The following SCYL1 variants were observed in gnomAD, a reference collection of about 807,000 sequenced individuals.
SCYL1 encodes the protein N-terminal kinase-like protein.
A neutral mutation model predicts 94.8 loss-of-function variants in SCYL1; 85 were observed. The ratio of observed to expected loss-of-function variants is 0.90; its 90% CI spans 0.75 to 1.07. SCYL1 has a LOEUF of 1.07. SCYL1 is among the 50% of genes least tolerant of loss of function. SCYL1 has a pLI of 0.00. For synonymous variants in SCYL1, 459 were observed against 435.5 expected, an observed-to-expected ratio of 1.05 and a Z score of -0.67; for missense variants, 968 against 1,083.3, an observed-to-expected ratio of 0.89 and a Z score of 1.49.
chr11:65,536,898 C>A, intron 13 of SCYL1, 88 bp from the exon 14 acceptor site: 1 of 1,244,826 alleles, frequency 8.0e-7, no homozygotes, highest in Non-Finnish European at 1.2e-6. Flanking sequence ...TTCCTTGGTG[C>A]CCCTTCCCCC....
At chr11:65,527,225 T>G in intron 6 of SCYL1, 108 bp downstream of exon 6, 1 of 1,294,990 alleles carries the variant, frequency 7.7e-7, no homozygotes, top group African/African-American at 1.5e-5. Context: ...GCATGGACTG[T>G]GGAGTTAGGC....
rs964966394 is a variant in SCYL1 at position 65,535,819 on chromosome 11, A to G, written c.1387-134A>G. ...CCAGAGTTTTAGGTCAACTCTCCCC[A>G]TTTAAGTGATTCATTCATATTTTTC... On this transcript the variant is annotated intron_variant, in intron 10 of 17. Coordinates refer to ENST00000270176, the MANE Select transcript of SCYL1 (RefSeq NM_020680.4). 4.5e-6 allele frequency: 4 copies of G among 883,506 alleles called. No homozygotes were observed. The African/African-American group carries it at 5.1e-5, about 11-fold the overall frequency. 54.7% of individuals were successfully genotyped at this position (883,506 alleles called of 1,614,324 possible). A position where few individuals can be genotyped will look rare whatever the true frequency, so the allele number is the denominator to read the frequency against.
At chr11:65,534,986 G>A (rs1855565215) in intron 9 of SCYL1, 1 of 540,918 alleles carries the variant, frequency 1.8e-6, no homozygotes, top group African/African-American at 1.9e-5. Flanking sequence ...GTGCCATCAG[G>A]AGAGCAGAGC....
At chr11:65,531,898 C>G (rs1383100806) in intron 8 of SCYL1, among the ~76,000 whole-genome samples, 1 of 152,214 alleles carries the variant, frequency 6.6e-6, no homozygotes, top group East Asian at 1.9e-4. Context: ...GGCTGCAGCG[C>G]TCTAATGCCC....
Position 65,537,892 on chromosome 11 carries a change from C to A in SCYL1, c.2031+12C>A. On this transcript the variant is annotated intron_variant, in intron 15 of 17. Transcript: ENST00000270176. ...GCCGTGCTAGTCAGGTGAGCTGGGT[C>A]TGGTGGGGAGGTGTGTGTATGGGGC... 1 of 1,578,974 alleles carries A rather than the reference C, an allele frequency of 6.3e-7. No homozygotes were observed.
chr11:65,528,684 T>G (rs1010318182), intron 6 of SCYL1, among the ~76,000 whole-genome samples: 4 of 151,250 alleles, frequency 2.6e-5, no homozygotes, highest in African/African-American at 9.7e-5. Context: ...AGCTTGAACC[T>G]GGGAGGCAGG....
Position 65,535,325 on chromosome 11 carries a change from C to T in SCYL1, c.1329C>T (p.Pro443=). Residue 443 remains proline, a synonymous_variant, in exon 10 of 18, where the codon CCC becomes CCT. Transcript: ENST00000270176. ...TACAGGCCAAGGATGAACAGGGCCC[C>T]ATCCGCTGCAACACCACAGTCTGCC... ...ARLQAKDEQG[P]IRCNTTVCLG... is the part of the protein sequence containing the mutation. The T allele has an allele frequency of 6.2e-7, 1 of 1,614,264 alleles. No individual in the cohort carries two copies. Among genetic ancestry groups the T allele is most frequent in the Non-Finnish European group, 8.5e-7 (1 of 1,180,034 alleles).
Position 65,530,586 on chromosome 11 carries a change from A to G in SCYL1, c.850-43A>G, listed in dbSNP as rs1407783424. The stretch of plus-strand genomic sequence containing the variant: ...CACCCATGGCTGGGTTTGGGCTGCA[A>G]CCAGGCTGATCTCTTCCCCGGGTCC... On this transcript the variant is annotated intron_variant, in intron 6 of 17. Coordinates refer to ENST00000270176, the MANE Select transcript of SCYL1 (RefSeq NM_020680.4). 5 of 1,585,954 alleles carry G rather than the reference A, an allele frequency of 3.2e-6. No individual in the cohort carries two copies. In the Admixed American group the frequency reaches 5.2e-5, roughly 17 times the overall value.
rs77773485 is a variant in SCYL1, at chr11:65,529,258, G to A, written c.850-1371G>A. 2.8e-4 allele frequency among the ~76,000 whole-genome samples: 42 copies of A among 152,326 alleles called. No individual in the cohort carries two copies. The East Asian group carries it at 7.9e-3, about 29-fold the overall frequency. On this transcript the variant is annotated intron_variant, in intron 6 of 17. Coordinates refer to ENST00000270176, the MANE Select transcript of SCYL1 (RefSeq NM_020680.4). ...AAGGAGAAGCTGCTGGAAACGCTGAGACCCCGTTGCCTCCTGGGCAGTGTC... is the reference window on the plus strand; with the variant it reads ...AAGGAGAAGCTGCTGGAAACGCTGAAACCCCGTTGCCTCCTGGGCAGTGTC...
At chr11:65,525,833 T>A in intron 2 of SCYL1, 88 bp from the exon 3 acceptor site, 1 of 1,580,612 alleles carries the variant, frequency 6.3e-7, no homozygotes, top group African/African-American at 1.3e-5. Flanking sequence ...TTTGGTTTCC[T>A]CTTCCCCATC....
Position 65,526,343 on chromosome 11 carries a change from G to C in SCYL1, c.595G>C (p.Glu199Gln). 6.3e-7 allele frequency: 1 copy of C among 1,598,506 alleles called. No individual in the cohort carries two copies. The highest frequency in any genetic ancestry group is 8.5e-7 in the Non-Finnish European group (1 of 1,169,858). ...LADSSGRVVR[E>Q]KWSADMWRLG... Reference sequence around the variant, plus strand: ...TGACAGCAGTGGCAGAGTGGTCAGAGAGAAGTGGTGGGTGACTGGGGGCAG... The same window carrying C: ...TGACAGCAGTGGCAGAGTGGTCAGACAGAAGTGGTGGGTGACTGGGGGCAG... The change falls in exon 4 of 18, where the codon GAG becomes CAG. Residue 199 changes from glutamate (E) to glutamine (Q), a missense_variant. Transcript: ENST00000270176. This position sits in a 1 kb window ranked among gnomAD's most constrained non-coding sequence, Gnocchi z 4.1.
At chr11:65,531,781 C>T in intron 8 of SCYL1, 98 bp downstream of exon 8, 1 of 846,524 alleles carries the variant, frequency 1.2e-6, no homozygotes, top group Non-Finnish European at 2.0e-6. Context: ...CCCAGAAACC[C>T]CACCCCTGAA....
intron 8 of SCYL1, among the ~76,000 whole-genome samples, chr11:65,532,426 GAAA>G (rs398016427): frequency 9.6e-6 from 1 of 104,232 alleles, no homozygotes. Flanking sequence ...CTCTGTCTCA[GAAA>G]AAAAAAAAAA....
At chr11:65,537,634 G>A (rs979662538) in intron 14 of SCYL1, among the ~76,000 whole-genome samples, 175 bp from the exon 15 acceptor site, 1 of 152,158 alleles carries the variant, frequency 6.6e-6, no homozygotes, top group African/African-American at 2.4e-5. Flanking sequence ...CCTTAAAGAG[G>A]GGTGAGGGCA....
Position 65,530,271 on chromosome 11 carries a change from G to A in SCYL1, c.850-358G>A, listed in dbSNP as rs137888893. 7.0e-4 allele frequency among the ~76,000 whole-genome samples: 107 copies of A among 152,250 alleles called. 1 individual carries two copies. In the East Asian group the frequency reaches 0.017, roughly 24 times the overall value. On this transcript the variant is annotated intron_variant, in intron 6 of 17. Transcript: ENST00000270176. ...AGCAGTAGAGGCAACACTGATAAAG[G>A]GCCTGATGCCCTTAGTGATGCCTCT... is the stretch of plus-strand genomic sequence containing the variant.
rs1855365053 is a variant in SCYL1, at chr11:65,531,582, A to T, written c.1015A>T (p.Lys339Ter). The T allele has an allele frequency of 6.2e-7, 1 of 1,613,434 alleles. No individual in the cohort carries two copies. The highest frequency in any genetic ancestry group is 8.5e-7 in the Non-Finnish European group (1 of 1,179,542). ...CATCTTCCTGCCCTTTCAGGTGGGC[A>T]AGTTCCTGAGCGCTGAGGAGTATCA... The part of the protein sequence containing the change: ...VVLTPLFKVG[K>*]FLSAEEYQQK... The change falls in exon 8 of 18, where the codon AAG becomes TAG. Residue 339 changes from lysine (K) to a stop codon, truncating the protein, a stop_gained. Transcript: ENST00000270176. LOFTEE classifies it high-confidence loss of function.
rs765963872 is a variant in SCYL1, at chr11:65,536,629, C to T, written c.1695C>T (p.Ala565=). Residue 565 remains alanine (A), a synonymous_variant, in exon 13 of 18, where the codon GCC becomes GCT. Transcript: ENST00000270176. The stretch of plus-strand genomic sequence containing the variant: ...CCTCCAGCCCTGGCATGGGAGGAGC[C>T]GCAGCTAGCTGGGCAGGCTGGGCCG... ...HAASSPGMGG[A]AASWAGWAVT... is the part of the protein sequence containing the mutation. 4.3e-6 allele frequency: 7 copies of T among 1,614,058 alleles called. No individual in the cohort carries two copies. Among genetic ancestry groups the T allele is most frequent in the East Asian group, 2.2e-5 (1 of 44,876 alleles).
In SCYL1 at chr11:65,535,994, T is replaced by G. The variant is rs1482974379; in HGVS notation, c.1428T>G (p.Thr476=). Residue 476 remains threonine (T), a synonymous_variant, in exon 11 of 18, where the codon ACT becomes ACG. Coordinates refer to ENST00000270176, the MANE Select transcript of SCYL1 (RefSeq NM_020680.4). ...RVLTSAFSRA[T]RDPFAPSRVA... Reference sequence around the variant, plus strand: ...TTACCTCTGCCTTCAGCCGAGCCACTAGGGACCCGTTTGCACCGTCCCGGG... The same window carrying G: ...TTACCTCTGCCTTCAGCCGAGCCACGAGGGACCCGTTTGCACCGTCCCGGG... 1 of 1,612,252 alleles carries G rather than the reference T, an allele frequency of 6.2e-7. No individual in the cohort carries two copies. The highest frequency in any genetic ancestry group is 8.5e-7 in the Non-Finnish European group (1 of 1,179,026).
At chr11:65,525,511 G>T (rs1485693088) in intron 1 of SCYL1, 63 bp from the exon 2 acceptor site, 1 of 1,569,880 alleles carries the variant, frequency 6.4e-7, no homozygotes, top group Admixed American at 1.8e-5. Flanking sequence ...CTGGCTGCGG[G>T]CCCTTGTCTT....
Sources: allele counts gnomAD v4.1 joint callset (sites outside exome capture counted in the v4.1 genomes callset), GRCh38; gene constraint gnomAD v4.1.1; non-coding constraint Gnocchi (gnomAD v3.1); transcripts MANE v1.5; gene names NCBI Gene and HGNC (gene_info 2026-07-23, HGNC 2026-07-21).